Variants in FOXP1 observed in about 807,000 individuals in gnomAD.
FOXP1 encodes forkhead box P1, also known as forkhead box protein P1.
In FOXP1, 15 loss-of-function variants were observed where a neutral mutation model predicts 98.2. That is an observed-to-expected ratio of 0.15 (90% CI 0.10 to 0.24). FOXP1 has a LOEUF of 0.24. Ranked by LOEUF, FOXP1 falls within the 10% of genes least tolerant of loss-of-function variation. The pLI, the probability that FOXP1 is intolerant of heterozygous loss-of-function variation, is 1.00. For synonymous variants in FOXP1, 371 were observed against 314.5 expected, an observed-to-expected ratio of 1.18 and a Z score of -1.90; for missense variants, 633 against 848.5, an observed-to-expected ratio of 0.75 and a Z score of 3.15.
chr3:71,150,298 G>A (rs6803462), intron 6 of FOXP1, among the ~76,000 whole-genome samples: 130,276 of 152,218 alleles, frequency 0.86, 55,794 homozygotes, highest in East Asian at 0.9. Context: ...AGCAATTATG[G>A]TTTAATATGG....
At chr3:71,299,315 T>C (rs989224421) in intron 5 of FOXP1, among the ~76,000 whole-genome samples, 1 of 152,248 alleles carries the variant, frequency 6.6e-6, no homozygotes, top group Non-Finnish European at 1.5e-5. Context: ...TACAGGGATA[T>C]GCCCCACACT....
chr3:71,547,572 G>T (rs2107650381), intron 2 of FOXP1, among the ~76,000 whole-genome samples: 1 of 152,318 alleles, frequency 6.6e-6, no homozygotes, highest in East Asian at 1.9e-4. Flanking sequence ...CACTTAAGGG[G>T]CAATGCATGT....
chr3:71,324,352 A>G (rs1488329995), intron 4 of FOXP1, among the ~76,000 whole-genome samples: 1 of 152,318 alleles, frequency 6.6e-6, no homozygotes, highest in Non-Finnish European at 1.5e-5. Flanking sequence ...AATAGCAAAG[A>G]CTTGGAACCA....
intron 5 of FOXP1, among the ~76,000 whole-genome samples, chr3:71,208,773 G>A (rs550978076): frequency 5.3e-5 from 8 of 152,234 alleles, no homozygotes; most frequent in East Asian, 1.9e-4. Context: ...CAGGGCTAAC[G>A]TAAACAGAAC....
intron 6 of FOXP1, among the ~76,000 whole-genome samples, chr3:71,189,363 GA>G (rs1309736517): frequency 6.6e-6 from 1 of 152,188 alleles, no homozygotes; most frequent in African/African-American, 2.4e-5. Context: ...GTGACTTTTG[GA>G]AGATGTATTC....
intron 3 of FOXP1, among the ~76,000 whole-genome samples, chr3:71,408,813 T>C (rs2082525268): frequency 1.3e-5 from 2 of 152,182 alleles, no homozygotes; most frequent in East Asian, 3.8e-4. Context: ...ATTACTAGGA[T>C]GAGACTACAG....
chr3:70,995,341 T>A (rs1387068317), intron 13 of FOXP1, among the ~76,000 whole-genome samples: 4 of 152,214 alleles, frequency 2.6e-5, no homozygotes, highest in Admixed American at 2.6e-4. Flanking sequence ...CCTGTGTCTC[T>A]GTCCCTCTGT....
chr3:71,546,203 G>C (rs1393981461), intron 2 of FOXP1, among the ~76,000 whole-genome samples: 1 of 152,150 alleles, frequency 6.6e-6, no homozygotes, highest in East Asian at 1.9e-4. Flanking sequence ...GTGGTCGGTG[G>C]CCAGGTAAGA....
intron 4 of FOXP1, among the ~76,000 whole-genome samples, chr3:71,340,202 T>C (rs1009684897): frequency 6.6e-6 from 1 of 152,126 alleles, no homozygotes; most frequent in African/African-American, 2.4e-5. Flanking sequence ...AAGGAACAAA[T>C]TAAGTGTTTG....
At chr3:71,018,802 T>G (rs2044934723) in intron 11 of FOXP1, among the ~76,000 whole-genome samples, 1 of 152,216 alleles carries the variant, frequency 6.6e-6, no homozygotes, top group African/African-American at 2.4e-5. Flanking sequence ...TTCACCATAC[T>G]TCTTACATCT....
rs1382254554 is a variant in FOXP1 at position 71,301,871 on chromosome 3, GA to G, written c.-72-1992del. On this transcript the variant is annotated intron_variant, in intron 4 of 20. Coordinates refer to ENST00000649528, the MANE Select transcript of FOXP1 (RefSeq NM_001349338.3). Reference sequence around the variant, plus strand: ...TGTAAGTGAACACAGAACAAAAATAGAAGCTGATTCAGCCTCAGATTTAACC... The same window carrying G: ...TGTAAGTGAACACAGAACAAAAATAGAGCTGATTCAGCCTCAGATTTAACC... 6.6e-5 allele frequency among the ~76,000 whole-genome samples: 10 copies of G among 152,254 alleles called. No individual in the cohort carries two copies. In the East Asian group the frequency reaches 1.7e-3, roughly 26 times the overall value.
chr3:71,583,421 T>C (rs2048348168), intron 1 of FOXP1, 150 bp downstream of exon 1: 6 of 942,418 alleles, frequency 6.4e-6, no homozygotes, highest in Non-Finnish European at 6.3e-6. Context: ...AGGTGGAAAG[T>C]AGTTGTTTTT....
intron 3 of FOXP1, among the ~76,000 whole-genome samples, chr3:71,416,860 C>T (rs548038675): frequency 6.6e-6 from 1 of 152,178 alleles, no homozygotes; most frequent in South Asian, 2.1e-4. Context: ...ACTATAAAGG[C>T]CATCCTGAAA....
At chr3:71,430,055 T>C (rs2084555777) in intron 3 of FOXP1, among the ~76,000 whole-genome samples, 1 of 152,166 alleles carries the variant, frequency 6.6e-6, no homozygotes. Context: ...ACACAGGAAG[T>C]GATACGAGAG....
chr3:71,472,917 G>A (rs964744557), intron 3 of FOXP1, among the ~76,000 whole-genome samples: 1 of 152,182 alleles, frequency 6.6e-6, no homozygotes, highest in Non-Finnish European at 1.5e-5. Context: ...TAGTCCTTAT[G>A]ATGACACAGT....
intron 3 of FOXP1, among the ~76,000 whole-genome samples, chr3:71,461,141 G>A (rs2088055272): frequency 6.6e-6 from 1 of 152,130 alleles, no homozygotes; most frequent in Admixed American, 6.5e-5. Flanking sequence ...TCATCAGTAC[G>A]AGCTATAATA....
At chr3:71,505,502 T>C (rs1367659099) in intron 2 of FOXP1, among the ~76,000 whole-genome samples, 2 of 141,926 alleles carry the variant, frequency 1.4e-5, no homozygotes, top group East Asian at 4.6e-4. Flanking sequence ...CTCACTGCAA[T>C]CTCCGCCTCC....
At chr3:71,459,854 G>T (rs1445735332) in intron 3 of FOXP1, among the ~76,000 whole-genome samples, 4 of 151,590 alleles carry the variant, frequency 2.6e-5, no homozygotes, top group African/African-American at 9.7e-5. Context: ...TTTTTTTATA[G>T]TATTCTTGGC....
chr3:71,377,277 T>C (rs943173932), intron 3 of FOXP1, among the ~76,000 whole-genome samples: 2 of 152,230 alleles, frequency 1.3e-5, no homozygotes, highest in African/African-American at 4.8e-5. Flanking sequence ...CGCTGTTTAC[T>C]CCCAGAATTA....
Sources: gnomAD v4.1 joint callset for allele counts (sites outside exome capture counted in the v4.1 genomes callset) on GRCh38, gnomAD v4.1.1 for gene constraint, MANE v1.5 for transcripts, NCBI Gene and HGNC (gene_info 2026-07-23, HGNC 2026-07-21) for gene names.